Variants in MIPEP observed in about 807,000 individuals in gnomAD.
MIPEP encodes the protein mitochondrial intermediate peptidase.
A neutral mutation model predicts 90.3 loss-of-function variants in MIPEP; 79 were observed. That is an observed-to-expected ratio of 0.87 (90% CI 0.73 to 1.05). The LOEUF is 1.05. MIPEP is among the 50% of genes least tolerant of loss of function. The pLI is 0.00. For synonymous variants in MIPEP, 334 were observed against 315.8 expected (o/e 1.06, Z -0.61); for missense variants, 940 against 905.6 (o/e 1.04, Z -0.49).
At chr13:23,869,521 A>G in intron 6 of MIPEP, 73 bp from the exon 7 acceptor site, 1 of 1,323,540 alleles carries the variant, frequency 7.6e-7, no homozygotes, top group Non-Finnish European at 1.0e-6. Flanking sequence ...ACACAGGCTC[A>G]TGCTCACCAC....
intron 16 of MIPEP, among the ~76,000 whole-genome samples, chr13:23,794,254 G>GCAGT (rs1380745215): frequency 6.6e-6 from 1 of 152,134 alleles, no homozygotes; most frequent in East Asian, 1.9e-4. Flanking sequence ...CAGAGAAAGG[G>GCAGT]ACCTGAGGAG....
Position 23,873,711 on chromosome 13 carries a change from G to T in MIPEP, c.603+1135C>A, listed in dbSNP as rs1870933085. Among the ~76,000 whole-genome samples, 4 of 152,136 alleles carry T rather than the reference G, an allele frequency of 2.6e-5. No individual in the cohort carries two copies. In the South Asian group the frequency reaches 8.3e-4, roughly 31 times the overall value. On this transcript the variant is annotated intron_variant, in intron 5 of 18. Coordinates refer to ENST00000382172, the MANE Select transcript of MIPEP (RefSeq NM_005932.4). ...GAACAATGCAAGGACTTGGTTAGAAGATATGACAATATTAGGAAGGGAAAG... is the reference window on the plus strand; with the variant it reads ...GAACAATGCAAGGACTTGGTTAGAATATATGACAATATTAGGAAGGGAAAG...
chr13:23,808,019 C>T (rs1953130271), intron 15 of MIPEP, among the ~76,000 whole-genome samples: 1 of 151,938 alleles, frequency 6.6e-6, no homozygotes, highest in Non-Finnish European at 1.5e-5. Flanking sequence ...GGCCAAGAAA[C>T]TTATTAAGTC....
At chr13:23,882,165 G>C (rs1871298889) in intron 2 of MIPEP, among the ~76,000 whole-genome samples, 1 of 151,264 alleles carries the variant, frequency 6.6e-6, no homozygotes, top group Non-Finnish European at 1.5e-5. Context: ...CGCCTCTCGG[G>C]TTCACGCCAT....
At position 23,831,386 on chromosome 13, in the gene MIPEP, G is replaced by GGTGGGGC. The variant is rs1555237547; in HGVS notation, c.1653+4853_1653+4854insGCCCCAC. On this transcript the variant is annotated intron_variant, in intron 14 of 18. Coordinates refer to ENST00000382172, the MANE Select transcript of MIPEP (RefSeq NM_005932.4). ...GGACAGCCTAGCTTCCCCATGGCGGGGGGGGGATGTGGATGGGAATTGCCT... is the reference window on the plus strand; with the variant it reads ...GGACAGCCTAGCTTCCCCATGGCGGGGTGGGGCGGGGGGATGTGGATGGGAATTGCCT... Among the ~76,000 whole-genome samples the GGTGGGGC allele has an allele frequency of 4.3e-5, 3 of 69,416 alleles. No individual in the cohort carries two copies. The Admixed American group carries it at 5.7e-4, about 13-fold the overall frequency. The allele number at this position is 69,416 out of a possible 152,430, so 45.5% of individuals were successfully genotyped here.
intron 16 of MIPEP, among the ~76,000 whole-genome samples, chr13:23,762,617 G>A (rs1158931025): frequency 5.3e-5 from 8 of 152,204 alleles, no homozygotes; most frequent in Admixed American, 5.2e-4. Flanking sequence ...TGTGAGTGGT[G>A]TCCTGAAGGA....
rs1246011809 is a variant in MIPEP, at chr13:23,889,379, G to A, written c.-59C>T. The A allele has an allele frequency of 1.5e-5, 18 of 1,235,892 alleles. No homozygotes were observed. Among genetic ancestry groups the A allele is most frequent in the Non-Finnish European group, 1.8e-5 (18 of 986,756 alleles). The allele number at this position is 1,235,892 out of a possible 1,614,324, so 76.6% of individuals were successfully genotyped here. A position where few individuals can be genotyped will look rare whatever the true frequency, so the allele number is the denominator to read the frequency against. On this transcript the variant is annotated 5_prime_UTR_variant, in exon 1 of 19. Transcript: ENST00000382172. ...GATCCCTGCCCTGCTGCTTTCGCTGGGAGCGCGCGCTCCGCGTTTCCAAGG... is the reference window on the plus strand; with the variant it reads ...GATCCCTGCCCTGCTGCTTTCGCTGAGAGCGCGCGCTCCGCGTTTCCAAGG...
chr13:23,775,119 G>C (rs201004907), intron 16 of MIPEP, among the ~76,000 whole-genome samples: 70,638 of 147,930 alleles, frequency 0.48, 16,984 homozygotes, highest in Non-Finnish European at 0.52. Flanking sequence ...CTGTGTGTGT[G>C]TGTGTGTGTG....
At chr13:23,803,101 T>A (rs1021551214) in intron 16 of MIPEP, among the ~76,000 whole-genome samples, 1 of 152,114 alleles carries the variant, frequency 6.6e-6, no homozygotes, top group Non-Finnish European at 1.5e-5. Context: ...CGGTGGCTCA[T>A]GCCTGTAATC....
chr13:23,847,464 T>TTAA (rs1869595373), intron 10 of MIPEP, among the ~76,000 whole-genome samples: 1 of 137,684 alleles, frequency 7.3e-6, no homozygotes, highest in Non-Finnish European at 1.5e-5. Flanking sequence ...AAATCCAAGC[T>TTAA]AAAAAAAAAA....
chr13:23,861,433 T>A (rs988308997), intron 9 of MIPEP, among the ~76,000 whole-genome samples: 3 of 152,172 alleles, frequency 2.0e-5, no homozygotes, highest in Admixed American at 6.5e-5. Flanking sequence ...TAACAGTAGT[T>A]ACTTTGCTAG....
chr13:23,825,602 C>T (rs185420813), intron 14 of MIPEP, among the ~76,000 whole-genome samples: 169 of 152,178 alleles, frequency 1.1e-3, no homozygotes, highest in African/African-American at 3.9e-3. Flanking sequence ...GAATTTTTAA[C>T]GAGAAAATAC....
intron 16 of MIPEP, among the ~76,000 whole-genome samples, chr13:23,771,694 AG>A (rs771567655): frequency 6.6e-6 from 1 of 152,144 alleles, no homozygotes; most frequent in African/African-American, 2.4e-5. Flanking sequence ...CTTCCCTAAC[AG>A]TCATGTTTCA....
chr13:23,872,252 G>A (rs550330620), intron 5 of MIPEP, among the ~76,000 whole-genome samples: 100 of 152,232 alleles, frequency 6.6e-4, no homozygotes, highest in Middle Eastern at 3.4e-3. Context: ...ACCTGAGGTC[G>A]GGAGTTCGAG....
intron 16 of MIPEP, among the ~76,000 whole-genome samples, chr13:23,802,432 G>A (rs919983579): frequency 6.6e-6 from 1 of 152,026 alleles, no homozygotes; most frequent in Non-Finnish European, 1.5e-5. Context: ...GGCAGGTATG[G>A]TGGCAGGTGC....
At chr13:23,772,765 C>G (rs973507848) in intron 16 of MIPEP, among the ~76,000 whole-genome samples, 1 of 152,198 alleles carries the variant, frequency 6.6e-6, no homozygotes, top group Non-Finnish European at 1.5e-5. Context: ...CCCAGGAAAG[C>G]TGGTCTCTAA....
intron 16 of MIPEP, among the ~76,000 whole-genome samples, chr13:23,787,395 A>G (rs1473008288): frequency 9.4e-6 from 1 of 106,298 alleles, no homozygotes; most frequent in African/African-American, 3.4e-5. Flanking sequence ...AGAGCAAGAG[A>G]CGGGGAGAGG....
At chr13:23,853,137 T>C (rs933197938) in intron 10 of MIPEP, among the ~76,000 whole-genome samples, 1 of 152,202 alleles carries the variant, frequency 6.6e-6, no homozygotes, top group South Asian at 2.1e-4. Flanking sequence ...CAAAAGTTAA[T>C]TTATTATTGA....
intron 14 of MIPEP, 85 bp from the exon 15 acceptor site, chr13:23,810,009 C>A: frequency 1.4e-6 from 1 of 722,398 alleles, no homozygotes; most frequent in Non-Finnish European, 2.3e-6. Context: ...TTAAAAATAA[C>A]ATCAAATGTA....
Sources: gnomAD v4.1 joint callset for allele counts (sites outside exome capture counted in the v4.1 genomes callset) on GRCh38, gnomAD v4.1.1 for gene constraint, MANE v1.5 for transcripts, NCBI Gene and HGNC (gene_info 2026-07-23, HGNC 2026-07-21) for gene names.